HPSE2: variants seen among roughly 807,000 people sequenced by gnomAD.
HPSE2 encodes heparanase 2 (inactive).
Under a neutral mutation model 60.5 loss-of-function variants are expected in HPSE2, and 38 were observed. The observed-to-expected ratio is 0.63, with a 90% CI of 0.48 to 0.82. The LOEUF (loss-of-function observed/expected upper bound fraction) is 0.82, where lower values mean the gene tolerates loss of function less well. Ranked by LOEUF, HPSE2 falls within the 40% of genes least tolerant of loss-of-function variation. The pLI, the probability that HPSE2 is intolerant of heterozygous loss-of-function variation, is 0.00. For synonymous variants in HPSE2, 295 were observed against 293.2 expected, an observed-to-expected ratio of 1.01 and a Z score of -0.06; for missense variants, 713 against 740.4, an observed-to-expected ratio of 0.96 and a Z score of 0.43.
intron 3 of HPSE2, among the ~76,000 whole-genome samples, chr10:98,978,194 T>C (rs1389179195): frequency 2.0e-5 from 3 of 152,144 alleles, no homozygotes; most frequent in Non-Finnish European, 2.9e-5. Flanking sequence ...TCAATAAGTA[T>C]GTATTAAATA....
chr10:98,539,329 C>G (rs563917512), intron 9 of HPSE2, among the ~76,000 whole-genome samples: 4 of 152,120 alleles, frequency 2.6e-5, no homozygotes, highest in Non-Finnish European at 5.9e-5. Context: ...CGAGACCAGC[C>G]TAACCAACAT....
chr10:98,711,138 G>C (rs920673106), intron 5 of HPSE2, among the ~76,000 whole-genome samples: 3 of 152,070 alleles, frequency 2.0e-5, no homozygotes, highest in Admixed American at 6.6e-5. Context: ...GAGCTGGAAG[G>C]TGCTGGTTAG....
At chr10:99,210,011 T>C (rs575644661) in intron 2 of HPSE2, among the ~76,000 whole-genome samples, 115 of 151,794 alleles carry the variant, frequency 7.6e-4, no homozygotes, top group African/African-American at 2.6e-3. Flanking sequence ...TTTGAAAAGA[T>C]AAAATCAACA....
intron 6 of HPSE2, among the ~76,000 whole-genome samples, chr10:98,677,835 C>T (rs1947684162): frequency 6.6e-6 from 1 of 152,066 alleles, no homozygotes; most frequent in Admixed American, 6.6e-5. Flanking sequence ...AGAATTTTTG[C>T]TTAACAAGTC....
At chr10:99,188,184 A>G (rs1158439999) in intron 2 of HPSE2, among the ~76,000 whole-genome samples, 1 of 152,200 alleles carries the variant, frequency 6.6e-6, no homozygotes, top group Non-Finnish European at 1.5e-5. Context: ...GAAACAAACT[A>G]TGCAACAACA....
intron 3 of HPSE2, among the ~76,000 whole-genome samples, chr10:98,778,739 TCA>T (rs1310546173): frequency 2.0e-5 from 3 of 152,192 alleles, no homozygotes. Context: ...TCAATGAGCC[TCA>T]GTTTGTTCAT....
intron 3 of HPSE2, among the ~76,000 whole-genome samples, chr10:98,828,589 C>T (rs1951606835): frequency 6.6e-6 from 1 of 152,120 alleles, no homozygotes; most frequent in African/African-American, 2.4e-5. Context: ...CCAATAAGTA[C>T]ATAAAAATAT....
intron 3 of HPSE2, among the ~76,000 whole-genome samples, chr10:98,960,730 T>TTTTTTTTTTTTTTTTTTATTTTG (rs1955647062): frequency 4.0e-5 from 1 of 24,796 alleles, no homozygotes. Flanking sequence ...TGTTTTATTT[T>TTTTTTTTTTTTTTTTTTATTTTG]TTTTATTTTA....
intron 9 of HPSE2, among the ~76,000 whole-genome samples, chr10:98,579,186 G>T (rs1314617981): frequency 6.6e-6 from 1 of 152,098 alleles, no homozygotes; most frequent in Non-Finnish European, 1.5e-5. Flanking sequence ...AGTCCCATAA[G>T]TAAAGAAGGA....
At chr10:99,012,313 C>T (rs1039562393) in intron 3 of HPSE2, among the ~76,000 whole-genome samples, 2 of 152,044 alleles carry the variant, frequency 1.3e-5, no homozygotes, top group Non-Finnish European at 2.9e-5. Flanking sequence ...CAATCCTGCC[C>T]ATTAGTAATA....
intron 3 of HPSE2, among the ~76,000 whole-genome samples, chr10:98,925,367 T>TTTC (rs1554843763): frequency 6.6e-6 from 1 of 151,638 alleles, no homozygotes; most frequent in Non-Finnish European, 1.5e-5. Flanking sequence ...TAATTGGCTT[T>TTTC]TTTTTTTTTG....
At chr10:98,483,614 G>A (rs1331579367) in intron 10 of HPSE2, among the ~76,000 whole-genome samples, 1 of 152,170 alleles carries the variant, frequency 6.6e-6, no homozygotes, top group Non-Finnish European at 1.5e-5. Context: ...CCTACTAAGT[G>A]ATCGCGTGAT....
intron 3 of HPSE2, among the ~76,000 whole-genome samples, chr10:98,893,928 GA>G (rs937613426): frequency 6.7e-6 from 1 of 150,022 alleles, no homozygotes; most frequent in African/African-American, 2.4e-5. Context: ...AGGCAGTAAA[GA>G]AAAAAAAATT....
intron 3 of HPSE2, among the ~76,000 whole-genome samples, chr10:98,977,162 T>C (rs547240289): frequency 7.6e-4 from 116 of 152,322 alleles, no homozygotes; most frequent in African/African-American, 2.7e-3. Context: ...ATAGCAACCA[T>C]AGGAAACCAT....
At chr10:99,279,715 T>C in the HPSE2 span, among the ~76,000 whole-genome samples, 1 of 152,196 alleles carries the variant, frequency 6.6e-6, no homozygotes, top group Non-Finnish European at 1.5e-5. Flanking sequence ...CTTTTTACTA[T>C]GGGAAACCAA....
intron 3 of HPSE2, among the ~76,000 whole-genome samples, chr10:99,088,812 T>C (rs1478148429): frequency 1.3e-5 from 2 of 152,208 alleles, no homozygotes; most frequent in Non-Finnish European, 2.9e-5. Context: ...CTAGTTTACA[T>C]TCCCACCAAC....
chr10:99,074,900 T>C (rs1842909744), intron 3 of HPSE2, among the ~76,000 whole-genome samples: 1 of 152,154 alleles, frequency 6.6e-6, no homozygotes, highest in Non-Finnish European at 1.5e-5. Context: ...TTGTAATGTC[T>C]CCTCTATCAT....
At chr10:98,902,005 A>G (rs1309802884) in intron 3 of HPSE2, among the ~76,000 whole-genome samples, 2 of 152,172 alleles carry the variant, frequency 1.3e-5, no homozygotes, top group African/African-American at 4.8e-5. Flanking sequence ...CAGAGTGCTC[A>G]ACATCTAGGT....
At chr10:98,604,797 T>C (rs1025712629) in intron 9 of HPSE2, among the ~76,000 whole-genome samples, 1 of 152,192 alleles carries the variant, frequency 6.6e-6, no homozygotes, top group Non-Finnish European at 1.5e-5. Flanking sequence ...TTGAAATGAA[T>C]CAGAAAACTT....
Sources: gnomAD v4.1 joint callset for allele counts (sites outside exome capture counted in the v4.1 genomes callset) on GRCh38, gnomAD v4.1.1 for gene constraint, MANE v1.5 for transcripts, NCBI Gene and HGNC (gene_info 2026-07-23, HGNC 2026-07-21) for gene names.